PBRM1: variants seen among roughly 807,000 people sequenced by gnomAD.
PBRM1 encodes protein polybromo-1.
A neutral mutation model predicts 194.5 loss-of-function variants in PBRM1; 27 were observed. The ratio of observed to expected loss-of-function variants is 0.14; its 90% CI spans 0.10 to 0.19. PBRM1 has a LOEUF of 0.19. Ranked by LOEUF, PBRM1 falls within the 10% of genes least tolerant of loss-of-function variation. PBRM1 has a pLI of 1.00. For synonymous variants in PBRM1, 655 were observed against 693.2 expected (o/e 0.94, Z 0.87); for missense variants, 1,466 against 2,077.2 (o/e 0.71, Z 5.72).
intron 25 of PBRM1, among the ~76,000 whole-genome samples, chr3:52,561,401 C>A (rs17052269): frequency 0.038 from 5,851 of 152,180 alleles, 380 homozygotes; most frequent in African/African-American, 0.13. Flanking sequence ...TTTTAAGAGG[C>A]CCTTTTCAGA....
intron 22 of PBRM1, among the ~76,000 whole-genome samples, chr3:52,569,187 C>G (rs537066385): frequency 6.6e-6 from 1 of 151,644 alleles, no homozygotes; most frequent in Non-Finnish European, 1.5e-5. Context: ...CCACTGCACC[C>G]GATTCTAAGT....
intron 7 of PBRM1, among the ~76,000 whole-genome samples, chr3:52,645,961 A>G (rs2096279217): frequency 6.6e-6 from 1 of 152,252 alleles, no homozygotes; most frequent in Non-Finnish European, 1.5e-5. Flanking sequence ...CGCTGACCTA[A>G]AAATCAAAAT....
At chr3:52,584,850 C>G (rs973375931) in intron 20 of PBRM1, among the ~76,000 whole-genome samples, 3 of 152,018 alleles carry the variant, frequency 2.0e-5, no homozygotes, top group African/African-American at 7.3e-5. Context: ...GAACAGTAAG[C>G]CCCTTTGTCC....
At chr3:52,566,434 A>G (rs991990527) in intron 22 of PBRM1, among the ~76,000 whole-genome samples, 1 of 152,226 alleles carries the variant, frequency 6.6e-6, no homozygotes, top group Non-Finnish European at 1.5e-5. Context: ...AACAACCTAC[A>G]TGTCCATTAA....
rs181916255 is a variant in PBRM1, at chr3:52,603,181, G to C, written c.2779+340C>G. 5.3e-5 allele frequency among the ~76,000 whole-genome samples: 8 copies of C among 152,308 alleles called. No homozygotes were observed. The East Asian group carries it at 1.5e-3, about 29-fold the overall frequency. ...TGCATGATGTGGCAAAAACTTCATG[G>C]ACTCACTGTTGAGAATGCTTTCTAG... On this transcript the variant is annotated intron_variant, in intron 17 of 29. Transcript: ENST00000296302.
chr3:52,631,021 C>T (rs183955845), intron 11 of PBRM1, among the ~76,000 whole-genome samples: 9 of 152,290 alleles, frequency 5.9e-5, no homozygotes, highest in East Asian at 3.9e-4. Flanking sequence ...CTTTTCCCAA[C>T]GCAAAGAATA....
intron 17 of PBRM1, among the ~76,000 whole-genome samples, chr3:52,595,145 C>T (rs1405434016): frequency 6.6e-6 from 1 of 151,922 alleles, no homozygotes; most frequent in East Asian, 1.9e-4. Context: ...GGTTCTTTCT[C>T]ATCTTTGTGG....
At chr3:52,616,049 T>C (rs1245938233) in intron 14 of PBRM1, among the ~76,000 whole-genome samples, 1 of 152,176 alleles carries the variant, frequency 6.6e-6, no homozygotes, top group Non-Finnish European at 1.5e-5. Flanking sequence ...GCAGATGCTA[T>C]GTCCTCCCTT....
chr3:52,673,454 AG>A (rs1463379727), intron 2 of PBRM1, among the ~76,000 whole-genome samples: 1 of 149,764 alleles, frequency 6.7e-6, no homozygotes, highest in Admixed American at 6.7e-5. Context: ...GGATCACCTG[AG>A]GTCAGGAGTT....
chr3:52,642,306 T>C (rs925987793), intron 9 of PBRM1, among the ~76,000 whole-genome samples: 1 of 152,152 alleles, frequency 6.6e-6, no homozygotes, highest in Non-Finnish European at 1.5e-5. Context: ...AAGATGTTCA[T>C]ATTTTACAAT....
intron 22 of PBRM1, among the ~76,000 whole-genome samples, chr3:52,574,928 TCTCA>T (rs1322765525): frequency 1.3e-5 from 2 of 152,132 alleles, no homozygotes; most frequent in Non-Finnish European, 2.9e-5. Flanking sequence ...TGAGACAGGG[TCTCA>T]CTCTGTTGCC....
At chr3:52,610,548 T>A (rs1400755431) in intron 15 of PBRM1, among the ~76,000 whole-genome samples, 1 of 152,196 alleles carries the variant, frequency 6.6e-6, no homozygotes. Flanking sequence ...AAGGTAGGGC[T>A]CCTTGGTAAA....
intron 26 of PBRM1, among the ~76,000 whole-genome samples, chr3:52,555,412 C>T (rs796396166): frequency 6.6e-5 from 10 of 152,342 alleles, no homozygotes; most frequent in African/African-American, 2.4e-4. Flanking sequence ...ACATCTACTC[C>T]TCCTTTCTAG....
intron 13 of PBRM1, among the ~76,000 whole-genome samples, chr3:52,624,455 CAAG>C (rs1157599268): frequency 6.6e-6 from 1 of 152,192 alleles, no homozygotes; most frequent in Admixed American, 6.5e-5. Context: ...TATTCATGCT[CAAG>C]AAGCACTGAC....
chr3:52,669,802 T>G (rs1446060553), intron 2 of PBRM1, among the ~76,000 whole-genome samples: 1 of 152,226 alleles, frequency 6.6e-6, no homozygotes, highest in African/African-American at 2.4e-5. Flanking sequence ...AATTTAGTGT[T>G]TGTTTCTCAC....
chr3:52,671,689 C>T (rs557881933), intron 2 of PBRM1, among the ~76,000 whole-genome samples: 25 of 152,320 alleles, frequency 1.6e-4, no homozygotes, highest in African/African-American at 5.8e-4. Context: ...CTACTTTATG[C>T]TAATTAAATG....
Position 52,643,238 on chromosome 3 carries a change from T to G in PBRM1, c.995+10A>C. 1 of 1,590,506 alleles carries G rather than the reference T, an allele frequency of 6.3e-7. No individual in the cohort carries two copies. ...AGGTCAACTCTCAGACTAAACACTC[T>G]TTTTCTCACCGGTAATACTTGCTAG... On this transcript the variant is annotated intron_variant, in intron 9 of 29. Coordinates refer to ENST00000296302, the Ensembl canonical transcript of PBRM1.
rs1159466470 is a variant in PBRM1, at chr3:52,567,299, C to A, written c.3692-3066G>T. The stretch of plus-strand genomic sequence containing the variant: ...CCCAATGTTTGCTCTTCTGCTGACG[C>A]TAAATAATGCTGAAATAAATAATTT... On this transcript the variant is annotated intron_variant, in intron 22 of 29. Coordinates refer to ENST00000296302, the Ensembl canonical transcript of PBRM1. Among the ~76,000 whole-genome samples the A allele has an allele frequency of 3.3e-5, 5 of 151,882 alleles. No individual in the cohort carries two copies. The East Asian group carries it at 9.6e-4, about 29-fold the overall frequency.
rs11337750 is a variant in PBRM1, at chr3:52,669,238, G to GA, written c.237-594dup. ...CATCTAAACACAACCAAACTCTTCGGAAAAAAAAAACCATGGGACTAAGAA... is the reference window on the plus strand; with the variant it reads ...CATCTAAACACAACCAAACTCTTCGGAAAAAAAAAAACCATGGGACTAAGAA... On this transcript the variant is annotated intron_variant, in intron 2 of 29. Transcript: ENST00000296302. 2.1e-4 allele frequency among the ~76,000 whole-genome samples: 32 copies of GA among 149,524 alleles called. No homozygotes were observed. The South Asian group carries it at 2.5e-3, about 12-fold the overall frequency.
Sources: allele counts gnomAD v4.1 joint callset (sites outside exome capture counted in the v4.1 genomes callset), GRCh38; gene constraint gnomAD v4.1.1; transcripts MANE v1.5; gene names NCBI Gene and HGNC (gene_info 2026-07-23, HGNC 2026-07-21).